The following CASZ1 variants were observed in gnomAD, a reference collection of about 807,000 sequenced individuals.
The protein encoded by CASZ1 is zinc finger protein castor homolog 1.
In CASZ1, 28 loss-of-function variants were observed where a neutral mutation model predicts 135.2. That is an observed-to-expected ratio of 0.21 (90% CI 0.15 to 0.28). CASZ1 has a LOEUF of 0.28. CASZ1 is among the 10% of genes least tolerant of loss of function. The pLI, the probability that CASZ1 is intolerant of heterozygous loss-of-function variation, is 1.00. For missense variants in CASZ1, 2,161 were observed against 2,453.3 expected, an observed-to-expected ratio of 0.88 and a Z score of 2.52; for synonymous variants, 1,068 against 1,073.4, an observed-to-expected ratio of 0.99 and a Z score of 0.10.
chr1:10,710,085 G>A (rs1258749696), intron 2 of CASZ1, among the ~76,000 whole-genome samples: 1 of 152,218 alleles, frequency 6.6e-6, no homozygotes, highest in African/African-American at 2.4e-5. Flanking sequence ...TTGGGGACAG[G>A]AAATGGGTTT....
In CASZ1 at chr1:10,699,899, G is replaced by A. The variant is rs577538559; in HGVS notation, c.-24+5593C>T. Among the ~76,000 whole-genome samples the A allele has an allele frequency of 1.2e-4, 18 of 152,004 alleles. No homozygotes were observed. The highest frequency in any genetic ancestry group is 3.9e-4 in the Admixed American group (6 of 15,270). On this transcript the variant is annotated intron_variant, in intron 3 of 20. Coordinates refer to ENST00000377022, the MANE Select transcript of CASZ1 (RefSeq NM_001079843.3). This position sits in a 1 kb window ranked among gnomAD's most constrained non-coding sequence, Gnocchi z 4.6. ...TAAAAAAAAGTTTTGGGGTGGAAAC[G>A]TGGAGTGTGAGAGAAGAGAGAGGTA... is the stretch of plus-strand genomic sequence containing the variant.
At position 10,747,856 on chromosome 1, in the gene CASZ1, G is replaced by T. The variant is rs961424073; in HGVS notation, c.-77+12845C>A. On this transcript the variant is annotated intron_variant, in intron 2 of 20. Coordinates refer to ENST00000377022, the MANE Select transcript of CASZ1 (RefSeq NM_001079843.3). This position sits in a 1 kb window ranked among gnomAD's most constrained non-coding sequence, Gnocchi z 4.3. The stretch of plus-strand genomic sequence containing the variant: ...TTTTGAGATGGAGTCTCGCTCTGCC[G>T]CCCAGGCTGGAGTGCAGTGGTGTGA... Among the ~76,000 whole-genome samples, 2 of 146,604 alleles carry T rather than the reference G, an allele frequency of 1.4e-5. No homozygotes were observed. The highest frequency in any genetic ancestry group is 4.0e-4 in the East Asian group (2 of 5,022).
intron 2 of CASZ1, among the ~76,000 whole-genome samples, chr1:10,737,508 C>T (rs1400435427): frequency 2.6e-5 from 4 of 152,362 alleles, no homozygotes; most frequent in East Asian, 1.9e-4. Context: ...GCCACCCACA[C>T]GTGACCCACC....
rs532875194 is a variant in CASZ1 at position 10,666,477 on chromosome 1, A to G, written c.17-906T>C. ...CTCCCCAGCCTCGGCCAGCCTCTGC[A>G]GCCCCGGAAGGCCTGGCCAGCCCAC... On this transcript the variant is annotated intron_variant, in intron 4 of 20. Transcript: ENST00000377022. This position sits in a 1 kb window ranked among gnomAD's most constrained non-coding sequence, Gnocchi z 5.2. Among the ~76,000 whole-genome samples, 5 of 152,244 alleles carry G rather than the reference A, an allele frequency of 3.3e-5. No individual in the cohort carries two copies. The highest frequency in any genetic ancestry group is 1.2e-4 in the African/African-American group (5 of 41,538).
In CASZ1 at chr1:10,649,384, C is replaced by T. The variant is rs284299; in HGVS notation, c.2934G>A (p.Ala978=). 0.2 allele frequency: 315,654 copies of T among 1,606,960 alleles called. 35,868 individuals carry two copies. Among genetic ancestry groups the T allele is most frequent in the African/African-American group, 0.48 (35,715 of 74,800 alleles). ...LGSLLNIKAE[A]EGSPAAEPSP... is the part of the protein sequence containing the mutation. ...AGGGCTCCGCAGCGGGGCTCCCCTC[C>T]GCTTCCGCCTTGATGTTCAGCAGGC... Residue 978 remains alanine, a synonymous_variant, in exon 14 of 21, where the codon GCG becomes GCA. Coordinates refer to ENST00000377022, the MANE Select transcript of CASZ1 (RefSeq NM_001079843.3).
In CASZ1 at chr1:10,653,905, C is replaced by T. The variant is rs1243426976; in HGVS notation, c.2152G>A (p.Glu718Lys). 2.5e-6 allele frequency: 4 copies of T among 1,613,476 alleles called. No homozygotes were observed. The highest frequency in any genetic ancestry group is 1.3e-5 in the African/African-American group (1 of 74,932). The change falls in exon 11 of 21, where the codon GAG (glutamate) becomes AAG (lysine). Residue 718 changes from glutamate (E) to lysine (K), a missense_variant. By Grantham distance (56) the Glu-to-Lys change is moderately conservative. This residue lies in a region of CASZ1 where 248 missense variants were observed against 410.8 expected (regional missense o/e 0.60). Coordinates refer to ENST00000377022, the MANE Select transcript of CASZ1 (RefSeq NM_001079843.3). ...ACAAGGTCGTCGTTGCTGGACTCCTCGTGCTCCGTGTCCTTGGCGCCCAGC... is the reference window on the plus strand; with the variant it reads ...ACAAGGTCGTCGTTGCTGGACTCCTTGTGCTCCGTGTCCTTGGCGCCCAGC... ...SLLGAKDTEH[E>K]ESSNDDLVDF...
chr1:10,718,856 CTCTT>C (rs952542413), intron 2 of CASZ1, among the ~76,000 whole-genome samples: 4 of 152,144 alleles, frequency 2.6e-5, no homozygotes, highest in African/African-American at 9.7e-5. Context: ...GAATTACTGC[CTCTT>C]TCTTTTTCTT....
intron 1 of CASZ1, among the ~76,000 whole-genome samples, chr1:10,782,455 A>G (rs1640779184): frequency 6.6e-6 from 1 of 152,238 alleles, no homozygotes. Flanking sequence ...GGTCTCTAAG[A>G]GCAGGTTGGA....
intron 1 of CASZ1, among the ~76,000 whole-genome samples, chr1:10,778,411 T>C (rs1394267373): frequency 6.6e-6 from 1 of 151,358 alleles, no homozygotes; most frequent in Admixed American, 6.6e-5. Context: ...GACACAATCT[T>C]ACAATCACAC....
At chr1:10,728,097 C>T (rs576479391) in intron 2 of CASZ1, among the ~76,000 whole-genome samples, 6 of 152,246 alleles carry the variant, frequency 3.9e-5, no homozygotes, top group Middle Eastern at 3.2e-3. Flanking sequence ...GGGTATGGGG[C>T]CTTCCAGTGT....
intron 1 of CASZ1, among the ~76,000 whole-genome samples, chr1:10,795,155 T>A (rs1034629595): frequency 8.7e-5 from 13 of 149,908 alleles, no homozygotes; most frequent in Non-Finnish European, 1.9e-4. Context: ...GGCGCACGAA[T>A]CGGCCCCCTG....
intron 15 of CASZ1, 77 bp from the exon 16 acceptor site, chr1:10,648,216 C>G (rs1271123655): frequency 1.9e-6 from 2 of 1,050,692 alleles, no homozygotes; most frequent in South Asian, 3.3e-5. Flanking sequence ...GACCCCATCA[C>G]AGGCCTAGAC....
At chr1:10,680,948 T>C (rs1481597118) in intron 4 of CASZ1, among the ~76,000 whole-genome samples, 1 of 152,204 alleles carries the variant, frequency 6.6e-6, no homozygotes, top group Non-Finnish European at 1.5e-5. Context: ...TCGCCCAGGC[T>C]GGAGTGCAGT....
rs1006693958 is a variant in CASZ1, at chr1:10,774,473, C to T, written c.-233-13616G>A. On this transcript the variant is annotated intron_variant, in intron 1 of 20. Transcript: ENST00000377022. The surrounding 1 kb of genome is among the most constrained non-coding windows in gnomAD (Gnocchi z 4.4). Reference sequence around the variant, plus strand: ...GTCTACAGAGGAAAAGAAGAGGTTGCTGGCCTGTTGCGGGGCTGGGTTTAG... The same window carrying T: ...GTCTACAGAGGAAAAGAAGAGGTTGTTGGCCTGTTGCGGGGCTGGGTTTAG... Among the ~76,000 whole-genome samples the T allele has an allele frequency of 2.0e-5, 3 of 152,102 alleles. No individual in the cohort carries two copies. Among genetic ancestry groups the T allele is most frequent in the African/African-American group, 7.2e-5 (3 of 41,424 alleles).
At position 10,694,582 on chromosome 1, in the gene CASZ1, GCCC is replaced by G. The variant is rs1557513463; in HGVS notation, c.-23-673_-23-671del. 1 of 113,172 alleles carries G rather than the reference GCCC, an allele frequency of 8.8e-6. No homozygotes were observed. The allele number at this position is 113,172 out of a possible 1,614,324, so 7.0% of individuals were successfully genotyped here. On this transcript the variant is annotated intron_variant, in intron 3 of 20. Coordinates refer to ENST00000377022, the MANE Select transcript of CASZ1 (RefSeq NM_001079843.3). The surrounding 1 kb of genome is among the most constrained non-coding windows in gnomAD (Gnocchi z 6.6). ...CCGGCAGGTGAAAGAGCAGAGCGCG[GCCC>G]CGCCGCCGCCGCCGCCGCCGCCGCC...
At chr1:10,764,857 C>T (rs899553982) in intron 1 of CASZ1, among the ~76,000 whole-genome samples, 5 of 152,298 alleles carry the variant, frequency 3.3e-5, no homozygotes, top group Admixed American at 2.0e-4. Flanking sequence ...TGGTAATACC[C>T]GGCGAGCAGG....
chr1:10,722,115 C>A (rs1380843293), intron 2 of CASZ1, among the ~76,000 whole-genome samples: 1 of 152,224 alleles, frequency 6.6e-6, no homozygotes, highest in African/African-American at 2.4e-5. Context: ...CCCTTCGCAA[C>A]CTGCACTGAA....
At chr1:10,768,184 G>A (rs2100588170) in intron 1 of CASZ1, among the ~76,000 whole-genome samples, 1 of 152,232 alleles carries the variant, frequency 6.6e-6, no homozygotes, top group African/African-American at 2.4e-5. Flanking sequence ...TCTGCTCAGG[G>A]CAGGGTGGGT....
intron 1 of CASZ1, among the ~76,000 whole-genome samples, chr1:10,764,415 G>A (rs960266535): frequency 1.3e-5 from 2 of 152,246 alleles, no homozygotes; most frequent in African/African-American, 4.8e-5. Context: ...GCCAAAGTGA[G>A]AACTCTTGGT....
Sources: gnomAD v4.1 joint callset for allele counts (sites outside exome capture counted in the v4.1 genomes callset) on GRCh38, gnomAD v4.1.1 for gene constraint, gnomAD v4.1.1 regional missense constraint, Gnocchi (gnomAD v3.1) non-coding constraint, MANE v1.5 for transcripts, NCBI Gene and HGNC (gene_info 2026-07-23, HGNC 2026-07-21) for gene names.